PTPRM: variants seen among roughly 807,000 people sequenced by gnomAD.
The protein encoded by PTPRM is receptor-type tyrosine-protein phosphatase mu.
PTPRM carries 47 observed loss-of-function variants against 186.7 expected under a neutral mutation model. That is an observed-to-expected ratio of 0.25 (90% CI 0.20 to 0.32). PTPRM has a LOEUF of 0.32. Among genes scored for constraint, PTPRM ranks in the 10% least tolerant of loss-of-function variants. The pLI, the probability that PTPRM is intolerant of heterozygous loss-of-function variation, is 1.00. For synonymous variants in PTPRM, 668 were observed against 674.9 expected, an observed-to-expected ratio of 0.99 and a Z score of 0.16; for missense variants, 1,494 against 1,865.0, an observed-to-expected ratio of 0.80 and a Z score of 3.66.
chr18:8,020,628 C>T (rs752107862), intron 7 of PTPRM, among the ~76,000 whole-genome samples: 2 of 152,178 alleles, frequency 1.3e-5, no homozygotes, highest in South Asian at 2.1e-4. Flanking sequence ...TAATCAGCTG[C>T]CTCACTTCCT....
chr18:7,693,923 T>C (rs887828472), intron 1 of PTPRM, among the ~76,000 whole-genome samples: 2 of 152,072 alleles, frequency 1.3e-5, no homozygotes, highest in Non-Finnish European at 2.9e-5. Context: ...TTTTCAAAAA[T>C]GGGAACAGTA....
chr18:8,300,434 G>GA (rs1171544335), intron 20 of PTPRM, among the ~76,000 whole-genome samples: 1 of 150,530 alleles, frequency 6.6e-6, no homozygotes, highest in East Asian at 1.9e-4. Context: ...GTTGTTACCT[G>GA]AAAAAAAATC....
At chr18:7,631,520 T>C (rs2038192338) in intron 1 of PTPRM, among the ~76,000 whole-genome samples, 3 of 151,902 alleles carry the variant, frequency 2.0e-5, no homozygotes, top group Admixed American at 2.0e-4. Flanking sequence ...TCTTGAGGAT[T>C]AAAGAGTCCA....
intron 2 of PTPRM, among the ~76,000 whole-genome samples, chr18:7,873,815 A>C (rs966056873): frequency 2.6e-5 from 4 of 152,222 alleles, no homozygotes; most frequent in African/African-American, 9.6e-5. Context: ...TACTATTTTC[A>C]TGTCTGGAGC....
At chr18:8,343,366 A>G in intron 22 of PTPRM, 57 bp from the exon 23 acceptor site, 1 of 1,511,516 alleles carries the variant, frequency 6.6e-7, no homozygotes, top group Non-Finnish European at 9.1e-7. Context: ...AGCCCCGGAA[A>G]TTTTCCAGTT....
chr18:7,642,759 C>T (rs1321986715), intron 1 of PTPRM, among the ~76,000 whole-genome samples: 3 of 149,578 alleles, frequency 2.0e-5, no homozygotes, highest in African/African-American at 7.4e-5. Flanking sequence ...GAGTATTTTT[C>T]ACCCTTCTGG....
chr18:7,864,501 G>A (rs568343026), intron 2 of PTPRM, among the ~76,000 whole-genome samples: 2 of 152,228 alleles, frequency 1.3e-5, no homozygotes, highest in African/African-American at 4.8e-5. Context: ...AAGATCAGAT[G>A]GTTGTACATG....
chr18:8,260,179 AT>A (rs985305164), intron 19 of PTPRM, among the ~76,000 whole-genome samples: 1 of 150,190 alleles, frequency 6.7e-6, no homozygotes, highest in Non-Finnish European at 1.5e-5. Context: ...TGCTTTTTTC[AT>A]TTTTTTTAAG....
At chr18:7,828,547 C>T (rs1057138992) in intron 2 of PTPRM, among the ~76,000 whole-genome samples, 8 of 152,044 alleles carry the variant, frequency 5.3e-5, no homozygotes, top group Non-Finnish European at 7.4e-5. Flanking sequence ...GCCACGTTGC[C>T]GTATGTCCTG....
At chr18:8,129,503 G>A (rs996171954) in intron 13 of PTPRM, among the ~76,000 whole-genome samples, 7 of 150,406 alleles carry the variant, frequency 4.7e-5, no homozygotes, top group African/African-American at 1.7e-4. Context: ...TCAATATTCA[G>A]TCTAACAGTT....
intron 2 of PTPRM, among the ~76,000 whole-genome samples, chr18:7,819,013 C>T (rs569893543): frequency 1.3e-5 from 2 of 152,238 alleles, no homozygotes; most frequent in South Asian, 4.2e-4. Flanking sequence ...AAGGCCTGAG[C>T]AGTGATTTGA....
intron 1 of PTPRM, among the ~76,000 whole-genome samples, chr18:7,735,371 C>G (rs750450703): frequency 3.3e-5 from 5 of 151,972 alleles, no homozygotes; most frequent in Non-Finnish European, 5.9e-5. Flanking sequence ...TGCAGTGAGC[C>G]GAGATTGTGC....
chr18:8,086,271 G>T (rs1022951334), intron 10 of PTPRM, among the ~76,000 whole-genome samples: 19 of 152,116 alleles, frequency 1.2e-4, no homozygotes, highest in African/African-American at 4.6e-4. Context: ...TGAAGGATCA[G>T]CCTCCTTGGG....
chr18:8,120,228 A>G (rs1241045638), intron 13 of PTPRM, among the ~76,000 whole-genome samples: 1 of 152,134 alleles, frequency 6.6e-6, no homozygotes. Context: ...AGCATAATCA[A>G]ATTTTTTCCT....
intron 11 of PTPRM, among the ~76,000 whole-genome samples, chr18:8,104,154 G>T (rs2091415482): frequency 6.6e-6 from 1 of 152,220 alleles, no homozygotes; most frequent in East Asian, 1.9e-4. Context: ...GTAAGTGCAT[G>T]CTGTAAGATA....
intron 19 of PTPRM, among the ~76,000 whole-genome samples, chr18:8,278,674 C>T (rs1025904898): frequency 5.3e-5 from 8 of 152,024 alleles, no homozygotes; most frequent in Admixed American, 4.6e-4. Context: ...AAATAAGAAA[C>T]GGGTCATGGC....
chr18:8,395,711 G>T (rs759787947), intron 32 of PTPRM, among the ~76,000 whole-genome samples: 2 of 152,174 alleles, frequency 1.3e-5, no homozygotes, highest in African/African-American at 2.4e-5. Flanking sequence ...AGAAGGGGCA[G>T]AAAGGACTGT....
chr18:8,068,649 T>C (rs1189423148), intron 7 of PTPRM, among the ~76,000 whole-genome samples: 1 of 152,244 alleles, frequency 6.6e-6, no homozygotes, highest in African/African-American at 2.4e-5. Context: ...TGTGGAATTC[T>C]ATTCAGATTG....
intron 2 of PTPRM, among the ~76,000 whole-genome samples, chr18:7,799,196 G>T (rs1043135680): frequency 6.6e-6 from 1 of 152,158 alleles, no homozygotes; most frequent in Non-Finnish European, 1.5e-5. Context: ...CCAAGATAGT[G>T]CCTTGCTGCT....
Sources: gnomAD v4.1 joint callset for allele counts (sites outside exome capture counted in the v4.1 genomes callset) on GRCh38, gnomAD v4.1.1 for gene constraint, MANE v1.5 for transcripts, NCBI Gene and HGNC (gene_info 2026-07-23, HGNC 2026-07-21) for gene names.